The following PCCA variants were observed in gnomAD, a reference collection of about 807,000 sequenced individuals.
PCCA encodes the protein propionyl-CoA carboxylase subunit alpha, also known as propionyl-CoA carboxylase alpha chain, mitochondrial.
A neutral mutation model predicts 101.3 loss-of-function variants in PCCA; 74 were observed. The observed-to-expected ratio is 0.73, with a 90% confidence interval of 0.61 to 0.89. The LOEUF is 0.89. PCCA is among the 40% of genes least tolerant of loss of function. The probability of loss-of-function intolerance (pLI) is 0.00; values close to 1 mark genes in which losing one functional copy is unlikely to be tolerated. For synonymous variants in PCCA, 294 were observed against 313.6 expected (o/e 0.94, Z 0.66); for missense variants, 891 against 907.0 (o/e 0.98, Z 0.23).
intron 10 of PCCA, 116 bp downstream of exon 10, chr13:100,262,947 T>C: frequency 1.6e-6 from 1 of 639,072 alleles, no homozygotes; most frequent in South Asian, 1.9e-5. Flanking sequence ...TAGAATCTGT[T>C]GTACTTTCCG....
chr13:100,217,960 A>G (rs1203194203), intron 7 of PCCA, among the ~76,000 whole-genome samples: 1 of 151,582 alleles, frequency 6.6e-6, no homozygotes, highest in African/African-American at 2.4e-5. Flanking sequence ...CTGTAATGTC[A>G]GCTACTCGGG....
At chr13:100,237,296 A>G (rs9585386) in intron 8 of PCCA, 24,176 of 152,210 alleles carry the variant, frequency 0.16, 2,061 homozygotes, top group African/African-American at 0.18. Context: ...GCCCATCATT[A>G]AGTGTGTTTT....
chr13:100,497,001 G>T (rs2085324201), intron 21 of PCCA, among the ~76,000 whole-genome samples: 1 of 152,224 alleles, frequency 6.6e-6, no homozygotes, highest in Non-Finnish European at 1.5e-5. Flanking sequence ...GGCAGTACAA[G>T]TGCACTTGTT....
rs534310079 is a variant in PCCA, at chr13:100,328,991, CT to C, written c.1430-1552del. On this transcript the variant is annotated intron_variant, in intron 16 of 23. Coordinates refer to ENST00000376285, the MANE Select transcript of PCCA (RefSeq NM_000282.4). ...ACAAGTGTGAGCCACCGCGCCTGGA[CT>C]TTTTTTTTTTTTTTTTTGGTCCAAA... 8.7e-3 allele frequency among the ~76,000 whole-genome samples: 839 copies of C among 96,328 alleles called. 1 individual carries two copies. The highest frequency in any genetic ancestry group is 0.025 in the Middle Eastern group (3 of 122). 63.2% of individuals were successfully genotyped at this position (96,328 alleles called of 152,430 possible).
intron 4 of PCCA, chr13:100,151,089 C>T: frequency 6.7e-7 from 1 of 1,503,148 alleles, no homozygotes; most frequent in Non-Finnish European, 9.2e-7. Flanking sequence ...TACTCGTATG[C>T]ACCCATCTTG....
intron 8 of PCCA, among the ~76,000 whole-genome samples, chr13:100,243,606 G>A (rs973731998): frequency 1.2e-4 from 19 of 152,052 alleles, no homozygotes; most frequent in African/African-American, 4.6e-4. Context: ...TCATTAGGCT[G>A]GACTAATAGA....
intron 12 of PCCA, among the ~76,000 whole-genome samples, chr13:100,279,503 G>A (rs1481743560): frequency 6.6e-6 from 1 of 151,944 alleles, no homozygotes; most frequent in Non-Finnish European, 1.5e-5. Flanking sequence ...TTGAGACGGA[G>A]TCTTGCTCTG....
chr13:100,507,377 C>T (rs2086160846), intron 21 of PCCA, among the ~76,000 whole-genome samples: 1 of 152,200 alleles, frequency 6.6e-6, no homozygotes, highest in Admixed American at 6.5e-5. Context: ...CACTATGGCG[C>T]CACACTCCAG....
chr13:100,109,193 GT>G (rs1411969391), intron 2 of PCCA, among the ~76,000 whole-genome samples: 1 of 152,206 alleles, frequency 6.6e-6, no homozygotes, highest in African/African-American at 2.4e-5. Context: ...CTTTAAGAGT[GT>G]TAATTCAAAT....
chr13:100,186,738 CAA>C (rs376028376), intron 6 of PCCA, among the ~76,000 whole-genome samples: 1 of 84,078 alleles, frequency 1.2e-5, no homozygotes. Flanking sequence ...GATTCCATCT[CAA>C]AAAAAAAACA....
chr13:100,273,384 G>T (rs978275814), intron 12 of PCCA, 38 bp downstream of exon 12: 1 of 1,526,914 alleles, frequency 6.5e-7, no homozygotes, highest in South Asian at 1.1e-5. Flanking sequence ...CCATGCCTCT[G>T]TACTTTACCC....
At chr13:100,094,950 T>C (rs1473700410) in intron 1 of PCCA, among the ~76,000 whole-genome samples, 2 of 152,212 alleles carry the variant, frequency 1.3e-5, no homozygotes, top group South Asian at 2.1e-4. Context: ...CAAATGACCA[T>C]GGACCTGGTG....
chr13:100,373,527 T>C (rs760519275), intron 19 of PCCA, among the ~76,000 whole-genome samples: 41 of 152,268 alleles, frequency 2.7e-4, no homozygotes, highest in Non-Finnish European at 2.5e-4. Flanking sequence ...ATTCCACTTA[T>C]ATGAGGTACC....
At chr13:100,260,060 T>C (rs1485040476) in intron 9 of PCCA, among the ~76,000 whole-genome samples, 2 of 152,166 alleles carry the variant, frequency 1.3e-5, no homozygotes, top group African/African-American at 2.4e-5. Context: ...ATCTCAATCA[T>C]TATAGTGGAG....
At chr13:100,186,745 A>AAAAAAAAAAAAAC (rs2152439140) in intron 6 of PCCA, among the ~76,000 whole-genome samples, 1 of 151,662 alleles carries the variant, frequency 6.6e-6, no homozygotes, top group African/African-American at 2.4e-5. Context: ...TCTCAAAAAA[A>AAAAAAAAAAAAAC]AAACAAAAAA....
intron 21 of PCCA, among the ~76,000 whole-genome samples, chr13:100,464,173 T>C (rs140950564): frequency 1.8e-4 from 27 of 152,304 alleles, no homozygotes; most frequent in African/African-American, 3.8e-4. Context: ...ACAAGTTATG[T>C]GTTCACAGGA....
intron 4 of PCCA, chr13:100,149,634 T>A (rs1292425425): frequency 6.6e-6 from 1 of 152,256 alleles, no homozygotes; most frequent in Non-Finnish European, 1.5e-5. Flanking sequence ...TATTACATCA[T>A]CCTTGGAGTG....
intron 8 of PCCA, among the ~76,000 whole-genome samples, chr13:100,249,691 A>C (rs2061644771): frequency 6.6e-6 from 1 of 152,174 alleles, no homozygotes; most frequent in African/African-American, 2.4e-5. Flanking sequence ...AACAATATTG[A>C]ATCTTCCTAT....
intron 19 of PCCA, among the ~76,000 whole-genome samples, chr13:100,382,894 TAAATC>T: frequency 3.3e-5 from 5 of 152,098 alleles, no homozygotes; most frequent in Admixed American, 3.3e-4. Flanking sequence ...ATCAACCAGT[TAAATC>T]TATGAGAAAG....
Sources: gnomAD v4.1 joint callset for allele counts (sites outside exome capture counted in the v4.1 genomes callset) on GRCh38, gnomAD v4.1.1 for gene constraint, MANE v1.5 for transcripts, NCBI Gene and HGNC (gene_info 2026-07-23, HGNC 2026-07-21) for gene names.